GRID1: variants seen among roughly 807,000 people sequenced by gnomAD.
GRID1 encodes glutamate receptor ionotropic, delta-1.
A neutral mutation model predicts 98.0 loss-of-function variants in GRID1; 28 were observed. The observed-to-expected ratio is 0.29, with a 90% CI of 0.21 to 0.39. The LOEUF (loss-of-function observed/expected upper bound fraction) is 0.39, where lower values mean the gene tolerates loss of function less well. GRID1 is among the 10% of genes least tolerant of loss of function. The pLI, the probability that GRID1 is intolerant of heterozygous loss-of-function variation, is 1.00. For synonymous variants in GRID1, 553 were observed against 538.5 expected, an observed-to-expected ratio of 1.03 and a Z score of -0.37; for missense variants, 1,111 against 1,340.5, an observed-to-expected ratio of 0.83 and a Z score of 2.67.
At chr10:85,736,828 A>G (rs1841887930) in intron 8 of GRID1, among the ~76,000 whole-genome samples, 2 of 152,204 alleles carry the variant, frequency 1.3e-5, no homozygotes, top group African/African-American at 2.4e-5. Context: ...CTTAACCTTC[A>G]GCTAAATGCA....
intron 4 of GRID1, among the ~76,000 whole-genome samples, chr10:86,049,416 T>C (rs916073055): frequency 3.3e-5 from 5 of 152,222 alleles, no homozygotes; most frequent in African/African-American, 1.2e-4. Context: ...AAAGATATTA[T>C]TTCCTGAATA....
chr10:85,704,982 A>G (rs972214761), intron 12 of GRID1, among the ~76,000 whole-genome samples: 3 of 152,194 alleles, frequency 2.0e-5, no homozygotes, highest in African/African-American at 7.2e-5. Context: ...GTGTAGAGGG[A>G]AATTTATAGC....
chr10:86,104,199 G>T (rs985101166), intron 4 of GRID1, among the ~76,000 whole-genome samples: 20 of 152,184 alleles, frequency 1.3e-4, no homozygotes, highest in Non-Finnish European at 2.1e-4. Context: ...AACCTGGCAG[G>T]TAGAAGGGGC....
At chr10:85,883,211 A>G (rs551380150) in intron 5 of GRID1, among the ~76,000 whole-genome samples, 2 of 152,042 alleles carry the variant, frequency 1.3e-5, no homozygotes, top group East Asian at 3.9e-4. Context: ...TTGGTGTTCA[A>G]CCTCTAAGAT....
intron 5 of GRID1, among the ~76,000 whole-genome samples, chr10:85,910,061 G>A (rs1242085132): frequency 6.6e-6 from 1 of 152,214 alleles, no homozygotes; most frequent in African/African-American, 2.4e-5. Flanking sequence ...TGGGACTACA[G>A]AGGCAGTAAG....
intron 4 of GRID1, among the ~76,000 whole-genome samples, chr10:85,932,456 G>A (rs774327949): frequency 1.3e-5 from 2 of 152,174 alleles, no homozygotes; most frequent in Non-Finnish European, 2.9e-5. Context: ...ACTCAGGGAT[G>A]CTCCTGCCTC....
At chr10:85,898,509 T>TA (rs1841328973) in intron 5 of GRID1, among the ~76,000 whole-genome samples, 1 of 152,250 alleles carries the variant, frequency 6.6e-6, no homozygotes, top group African/African-American at 2.4e-5. Context: ...TAGTAACACT[T>TA]AGTTTACAAC....
chr10:85,639,444 A>G (rs1479748832), intron 13 of GRID1, among the ~76,000 whole-genome samples: 1 of 152,254 alleles, frequency 6.6e-6, no homozygotes, highest in Non-Finnish European at 1.5e-5. Flanking sequence ...GTGACAAAAG[A>G]AAAGTTTTGC....
chr10:85,912,654 C>T (rs1564624967), intron 5 of GRID1, among the ~76,000 whole-genome samples: 1 of 152,200 alleles, frequency 6.6e-6, no homozygotes, highest in Non-Finnish European at 1.5e-5. Context: ...GTCGGGGAGG[C>T]ACAGACCTGA....
chr10:86,139,525 C>T (rs916873713), intron 3 of GRID1, among the ~76,000 whole-genome samples: 6 of 152,218 alleles, frequency 3.9e-5, no homozygotes, highest in Admixed American at 6.5e-5. Context: ...ATCCTGCCAA[C>T]GCACAGCCTG....
At chr10:86,002,845 AC>A in intron 4 of GRID1, among the ~76,000 whole-genome samples, 1 of 152,212 alleles carries the variant, frequency 6.6e-6, no homozygotes, top group Non-Finnish European at 1.5e-5. Context: ...TTGTGCACAT[AC>A]TATGTCCACA....
chr10:86,155,903 A>G (rs113442626), intron 3 of GRID1, among the ~76,000 whole-genome samples: 20 of 152,180 alleles, frequency 1.3e-4, no homozygotes, highest in Non-Finnish European at 1.5e-5. Flanking sequence ...GAAACCTCTG[A>G]GCAACAGGAT....
Position 85,916,133 on chromosome 10 carries a change from A to T in GRID1, c.780+53T>A. 1 of 1,308,604 alleles carries T rather than the reference A, an allele frequency of 7.6e-7. No homozygotes were observed. The highest frequency in any genetic ancestry group is 1.2e-5 in the South Asian group (1 of 84,044). 81.1% of individuals were successfully genotyped at this position (1,308,604 alleles called of 1,614,324 possible). ...GAAAAGAATCACACTGAGCTTTACAAGGGGCTAGGGGCTCAGTCCAGGCCG... is the reference window on the plus strand; with the variant it reads ...GAAAAGAATCACACTGAGCTTTACATGGGGCTAGGGGCTCAGTCCAGGCCG... On this transcript the variant is annotated intron_variant, in intron 5 of 15. Transcript: ENST00000327946. The surrounding 1 kb of genome is among the most constrained non-coding windows in gnomAD (Gnocchi z 4.0).
intron 4 of GRID1, among the ~76,000 whole-genome samples, chr10:86,084,935 A>C (rs1270011559): frequency 1.3e-5 from 2 of 152,210 alleles, no homozygotes; most frequent in Non-Finnish European, 2.9e-5. Context: ...GCTAATAAAA[A>C]AGTTCTGGAA....
At chr10:86,188,579 G>T (rs1480129450) in intron 3 of GRID1, among the ~76,000 whole-genome samples, 1 of 152,182 alleles carries the variant, frequency 6.6e-6, no homozygotes, top group Non-Finnish European at 1.5e-5. Flanking sequence ...AATGCCAGAG[G>T]GCTGGGAGGG....
At chr10:85,762,804 C>G (rs1029409933) in intron 8 of GRID1, among the ~76,000 whole-genome samples, 1 of 152,150 alleles carries the variant, frequency 6.6e-6, no homozygotes, top group East Asian at 1.9e-4. Context: ...GAAGTGAGTG[C>G]CTGTTGTGAG....
At chr10:86,090,742 G>A (rs913303164) in intron 4 of GRID1, among the ~76,000 whole-genome samples, 2 of 152,140 alleles carry the variant, frequency 1.3e-5, no homozygotes, top group Admixed American at 6.5e-5. Context: ...CAGCAATTCC[G>A]AGAGGACCCA....
intron 3 of GRID1, among the ~76,000 whole-genome samples, chr10:86,162,341 C>G (rs1343215211): frequency 1.3e-5 from 2 of 152,016 alleles, no homozygotes; most frequent in Non-Finnish European, 2.9e-5. Flanking sequence ...TGCTGAGGCC[C>G]AGGGACCCTC....
rs547381829 is a variant in GRID1, at chr10:86,023,802, C to T, written c.727-107563G>A. Reference sequence around the variant, plus strand: ...CATTGGTCTCCTACCTCTCTAAGTTCAATTGCATCTATTCCCTTCAGATGA... The same window carrying T: ...CATTGGTCTCCTACCTCTCTAAGTTTAATTGCATCTATTCCCTTCAGATGA... On this transcript the variant is annotated intron_variant, in intron 4 of 15. Coordinates refer to ENST00000327946, the MANE Select transcript of GRID1 (RefSeq NM_017551.3). Among the ~76,000 whole-genome samples the T allele has an allele frequency of 2.0e-5, 3 of 152,312 alleles. No individual in the cohort carries two copies. The East Asian group carries it at 5.8e-4, about 29-fold the overall frequency.
Sources: allele counts gnomAD v4.1 joint callset (sites outside exome capture counted in the v4.1 genomes callset), GRCh38; gene constraint gnomAD v4.1.1; non-coding constraint Gnocchi (gnomAD v3.1); transcripts MANE v1.5; gene names NCBI Gene and HGNC (gene_info 2026-07-23, HGNC 2026-07-21).